The following CAST variants were observed in gnomAD, a reference collection of about 807,000 sequenced individuals.
CAST encodes calpastatin.
Under a neutral mutation model 119.6 loss-of-function variants are expected in CAST, and 76 were observed. That is an observed-to-expected ratio of 0.64 (90% CI 0.53 to 0.77). CAST has a LOEUF of 0.77. Among genes scored for constraint, CAST ranks in the 30% least tolerant of loss-of-function variants. The pLI is 0.00. For missense variants in CAST, 953 were observed against 946.5 expected (o/e 1.01, Z -0.09); for synonymous variants, 319 against 331.6 (o/e 0.96, Z 0.41).
chr5:96,734,274 T>G (rs527810985), intron 9 of CAST, among the ~76,000 whole-genome samples: 1 of 152,260 alleles, frequency 6.6e-6, no homozygotes, highest in South Asian at 2.1e-4. Flanking sequence ...AATTTGTACA[T>G]GTGGTGATTC....
At chr5:96,252,312 TATTC>T in the CAST span, among the ~76,000 whole-genome samples, 1 of 152,200 alleles carries the variant, frequency 6.6e-6, no homozygotes, top group African/African-American at 2.4e-5. Context: ...TACTATTGTT[TATTC>T]ATTCATTCGC....
chr5:96,156,843 C>A, the CAST span, among the ~76,000 whole-genome samples: 2 of 152,166 alleles, frequency 1.3e-5, no homozygotes, highest in African/African-American at 4.8e-5. Flanking sequence ...TCCCTCCAGA[C>A]CCAGTTTTTA....
the CAST span, among the ~76,000 whole-genome samples, chr5:96,281,155 A>G: frequency 6.6e-6 from 1 of 152,220 alleles, no homozygotes; most frequent in Non-Finnish European, 1.5e-5. Context: ...CATTATTGAG[A>G]GCAATACTTC....
chr5:96,283,416 A>G, the CAST span, among the ~76,000 whole-genome samples: 2 of 152,200 alleles, frequency 1.3e-5, no homozygotes, highest in African/African-American at 4.8e-5. Flanking sequence ...AACTTTTCAC[A>G]GATATTTTGG....
At chr5:96,435,374 C>A in the CAST span, among the ~76,000 whole-genome samples, 1 of 152,224 alleles carries the variant, frequency 6.6e-6, no homozygotes, top group African/African-American at 2.4e-5. Flanking sequence ...TCCTCATCCA[C>A]ACAATACAGA....
At chr5:96,132,510 T>G in the CAST span, among the ~76,000 whole-genome samples, 1 of 152,104 alleles carries the variant, frequency 6.6e-6, no homozygotes, top group Non-Finnish European at 1.5e-5. Flanking sequence ...AGCTTATTCC[T>G]TCTATCTAAC....
At chr5:96,154,923 T>C in the CAST span, among the ~76,000 whole-genome samples, 6 of 152,178 alleles carry the variant, frequency 3.9e-5, no homozygotes, top group Admixed American at 3.9e-4. Context: ...TCCTCTTCAG[T>C]TTTTATACTG....
chr5:96,319,780 C>A, the CAST span, among the ~76,000 whole-genome samples: 1 of 151,942 alleles, frequency 6.6e-6, no homozygotes, highest in African/African-American at 2.4e-5. Context: ...AAAGTCCATG[C>A]CAGGTGCTCT....
chr5:96,572,675 C>T (rs1414684155), intron 1 of CAST, among the ~76,000 whole-genome samples: 2 of 152,206 alleles, frequency 1.3e-5, no homozygotes, highest in African/African-American at 4.8e-5. Flanking sequence ...TACCTCCTCC[C>T]AATTACATCT....
the CAST span, among the ~76,000 whole-genome samples, chr5:96,026,536 C>A: frequency 2.0e-5 from 3 of 152,202 alleles, no homozygotes; most frequent in African/African-American, 7.2e-5. Flanking sequence ...TTCTTTTCCA[C>A]ATCTTTTAAC....
chr5:96,675,528 C>G lies in CAST; in HGVS notation c.76-11C>G. 1 of 1,603,382 alleles carries G rather than the reference C, an allele frequency of 6.2e-7. No homozygotes were observed. Among genetic ancestry groups the G allele is most frequent in the Non-Finnish European group, 8.5e-7 (1 of 1,171,258 alleles). ...TTCCTTTATTAAGCATTATTTTTTACTTTTTTATAGCATGTCAGTGAAAAA... is the reference window on the plus strand; with the variant it reads ...TTCCTTTATTAAGCATTATTTTTTAGTTTTTTATAGCATGTCAGTGAAAAA... On this transcript the variant is annotated splice_polypyrimidine_tract_variant and intron_variant, in intron 1 of 31. Coordinates refer to ENST00000675179, the MANE Select transcript of CAST (RefSeq NM_001750.7).
At position 96,756,811 on chromosome 5, in the gene CAST, A is replaced by AAG. The variant is rs146848098; in HGVS notation, c.1711-630_1711-629dup. 4.1e-3 allele frequency among the ~76,000 whole-genome samples: 621 copies of AAG among 152,322 alleles called. 3 individuals carry two copies. The highest frequency in any genetic ancestry group is 0.014 in the African/African-American group (586 of 41,562). On this transcript the variant is annotated intron_variant, in intron 22 of 31. Coordinates refer to ENST00000675179, the MANE Select transcript of CAST (RefSeq NM_001750.7). ...TTAGTATATAGATCTCCTTTTACTAAAGAGCCCCGCATGCTTTCTTCATTT... is the reference window on the plus strand; with the variant it reads ...TTAGTATATAGATCTCCTTTTACTAAAGAGAGCCCCGCATGCTTTCTTCATTT...
At chr5:96,072,466 T>C in the CAST span, among the ~76,000 whole-genome samples, 4 of 152,174 alleles carry the variant, frequency 2.6e-5, no homozygotes, top group Non-Finnish European at 5.9e-5. Context: ...CTTCAGCCTT[T>C]CTGCAAAAAA....
At chr5:96,022,887 G>A in the CAST span, among the ~76,000 whole-genome samples, 1 of 152,146 alleles carries the variant, frequency 6.6e-6, no homozygotes, top group Non-Finnish European at 1.5e-5. Flanking sequence ...GATTGGATGA[G>A]GGGCCCCCAC....
chr5:96,117,637 G>C, the CAST span, among the ~76,000 whole-genome samples: 2 of 152,154 alleles, frequency 1.3e-5, no homozygotes, highest in Non-Finnish European at 2.9e-5. Context: ...TTGAAGCAAA[G>C]TTAACTGGAT....
the CAST span, among the ~76,000 whole-genome samples, chr5:95,980,056 TG>T: frequency 6.6e-6 from 1 of 152,100 alleles, no homozygotes; most frequent in African/African-American, 2.4e-5. Flanking sequence ...AGGCGGAGGT[TG>T]CCGTGAGCCA....
the CAST span, among the ~76,000 whole-genome samples, chr5:96,455,853 CT>C: frequency 6.6e-6 from 1 of 152,110 alleles, no homozygotes. Flanking sequence ...TTGATTTGTT[CT>C]TTTTTTCTGT....
intron 3 of CAST, among the ~76,000 whole-genome samples, chr5:96,718,206 C>T (rs1157618037): frequency 6.6e-6 from 1 of 152,114 alleles, no homozygotes; most frequent in Non-Finnish European, 1.5e-5. Context: ...GGATTTCAGC[C>T]TATATCTATC....
At chr5:96,680,913 A>G (rs575004612) in intron 2 of CAST, among the ~76,000 whole-genome samples, 3 of 152,358 alleles carry the variant, frequency 2.0e-5, no homozygotes, top group African/African-American at 7.2e-5. Flanking sequence ...GCACAAGCTC[A>G]TGTCTCAGTG....
Sources: allele counts gnomAD v4.1 joint callset (sites outside exome capture counted in the v4.1 genomes callset), GRCh38; gene constraint gnomAD v4.1.1; transcripts MANE v1.5; gene names NCBI Gene and HGNC (gene_info 2026-07-23, HGNC 2026-07-21).